Variants in PTPRH observed in about 807,000 individuals in gnomAD.
PTPRH encodes receptor-type tyrosine-protein phosphatase H.
PTPRH carries 113 observed loss-of-function variants against 130.2 expected under a neutral mutation model. That is an observed-to-expected ratio of 0.87 (90% CI 0.75 to 1.01). The LOEUF (loss-of-function observed/expected upper bound fraction) is 1.01, where lower values mean the gene tolerates loss of function less well. Among genes scored for constraint, PTPRH ranks in the 50% least tolerant of loss-of-function variants. The pLI, the probability that PTPRH is intolerant of heterozygous loss-of-function variation, is 0.00. For missense variants in PTPRH, 1,430 were observed against 1,425.0 expected (o/e 1.00, Z -0.06); for synonymous variants, 556 against 577.9 (o/e 0.96, Z 0.54).
chr19:55,187,604 C>A lies in PTPRH; in HGVS notation c.2476-1G>T. The A allele has an allele frequency of 6.2e-7, 1 of 1,610,456 alleles. No homozygotes were observed. The highest frequency in any genetic ancestry group is 1.1e-5 in the South Asian group (1 of 90,988). On this transcript the variant is annotated splice_acceptor_variant, in intron 13 of 19. Transcript: ENST00000376350. LOFTEE classifies it high-confidence loss of function. The stretch of plus-strand genomic sequence containing the variant: ...GGCTGTGGCCCACCAGGGAGAGTTG[C>A]TGGGGATGCAGGGAGAGGGGGTACC...
rs371618030 is a variant in PTPRH at position 55,204,212 on chromosome 19, C to G, written c.620-164G>C. Among the ~76,000 whole-genome samples the G allele has an allele frequency of 4.0e-4, 61 of 152,280 alleles. 1 individual carries two copies. The highest frequency in any genetic ancestry group is 1.4e-3 in the African/African-American group (59 of 41,564). On this transcript the variant is annotated intron_variant, in intron 4 of 19. Transcript: ENST00000376350. ...TCGGCTCACCACAGCCTCCGCCGTC[C>G]GGGTTCAAGCGATTCTCCTGCCTCA...
rs572152682 is a variant in PTPRH at position 55,209,187 on chromosome 19, G to T, written c.51+196C>A. Among the ~76,000 whole-genome samples, 1 of 152,098 alleles carries T rather than the reference G, an allele frequency of 6.6e-6. No individual in the cohort carries two copies. The highest frequency in any genetic ancestry group is 2.1e-4 in the South Asian group (1 of 4,830). Reference sequence around the variant, plus strand: ...GGCCCGGGTGAAGCTGGTGTCCCCCGCAGCAGACACGACAGTATCTAAGAG... The same window carrying T: ...GGCCCGGGTGAAGCTGGTGTCCCCCTCAGCAGACACGACAGTATCTAAGAG... On this transcript the variant is annotated intron_variant, in intron 1 of 19. Coordinates refer to ENST00000376350, the MANE Select transcript of PTPRH (RefSeq NM_002842.5). This position sits in a 1 kb window ranked among gnomAD's most constrained non-coding sequence, Gnocchi z 4.1.
chr19:55,192,644 C>A (rs550533781), intron 10 of PTPRH, among the ~76,000 whole-genome samples: 1 of 150,642 alleles, frequency 6.6e-6, no homozygotes, highest in Non-Finnish European at 1.5e-5. Flanking sequence ...CTCTGCCTCC[C>A]GGGTTCACGC....
chr19:55,192,584 C>T lies in PTPRH; in HGVS notation c.2258-843G>A, dbSNP rs957467714. Among the ~76,000 whole-genome samples the T allele has an allele frequency of 8.6e-5, 13 of 151,020 alleles. No individual in the cohort carries two copies. In the East Asian group the frequency reaches 2.6e-3, roughly 30 times the overall value. On this transcript the variant is annotated intron_variant, in intron 10 of 19. Transcript: ENST00000376350. ...TTTCTTTTTCTGAGACAGAGTCTTG[C>T]TCTGTCACCCAGGCTGCAGTGCAGT...
chr19:55,207,051 C>T lies in PTPRH; in HGVS notation c.86-96G>A, dbSNP rs955822360. The T allele has an allele frequency of 2.0e-5, 31 of 1,555,664 alleles. No homozygotes were observed. In the Middle Eastern group the frequency reaches 5.1e-4, roughly 26 times the overall value. On this transcript the variant is annotated intron_variant, in intron 2 of 19. Transcript: ENST00000376350. Reference sequence around the variant, plus strand: ...CACGCCCCAAGTCCAGAAACAACGGCGCTCATAAACCCCTACCATGGACCA... The same window carrying T: ...CACGCCCCAAGTCCAGAAACAACGGTGCTCATAAACCCCTACCATGGACCA...
Position 55,205,431 on chromosome 19 carries a change from T to C in PTPRH, c.514A>G (p.Asn172Asp). 6.2e-7 allele frequency: 1 copy of C among 1,614,142 alleles called. No homozygotes were observed. Among genetic ancestry groups the C allele is most frequent in the African/African-American group, 1.3e-5 (1 of 75,034 alleles). Residue 172 changes from asparagine to aspartate, a missense_variant, in exon 4 of 20, where the codon AAC (asparagine) becomes GAC (aspartate). Transcript: ENST00000376350. ...RAGTRSTAHT[N>D]ITVDGLEPGC... Reference sequence around the variant, plus strand: ...GGTTCAAGTCCATCCACGGTGATGTTAGTGTGTGCTGTGCTTCGAGTCCCT... The same window carrying C: ...GGTTCAAGTCCATCCACGGTGATGTCAGTGTGTGCTGTGCTTCGAGTCCCT...
chr19:55,202,559 G>A (rs908556540), intron 5 of PTPRH, among the ~76,000 whole-genome samples: 1 of 151,728 alleles, frequency 6.6e-6, no homozygotes, highest in African/African-American at 2.4e-5. Context: ...ATGAAATTAA[G>A]AATTAAGAAT....
rs746178985 is a variant in PTPRH, at chr19:55,203,975, G to C, written c.693C>G (p.Pro231=). ...TCGAGTTCTGTGGGTCTGTGCCATC[G>C]GGGACCTCCCAGCTCAGGGAGATGG... ...TSSISLSWEV[P]DGTDPQNSTY... is the part of the protein sequence containing the mutation. Residue 231 remains proline (P), a synonymous_variant, in exon 5 of 20, where the codon CCC becomes CCG. Coordinates refer to ENST00000376350, the MANE Select transcript of PTPRH (RefSeq NM_002842.5). 3 of 1,614,100 alleles carry C rather than the reference G, an allele frequency of 1.9e-6. No homozygotes were observed. Among genetic ancestry groups the C allele is most frequent in the South Asian group, 2.2e-5 (2 of 91,078 alleles).
chr19:55,187,750 T>C (rs1270352207), intron 13 of PTPRH, 147 bp from the exon 14 acceptor site: 8 of 650,420 alleles, frequency 1.2e-5, no homozygotes, highest in Admixed American at 2.4e-5. Context: ...AAAAACAGAA[T>C]AGATGTGTGT....
At chr19:55,186,639 C>A (rs1224292452) in intron 14 of PTPRH, 99 bp from the exon 15 acceptor site, 7 of 1,096,390 alleles carry the variant, frequency 6.4e-6, no homozygotes, top group Non-Finnish European at 9.2e-6. Flanking sequence ...GAGACAAGAC[C>A]AAGACCCATG....
At chr19:55,191,834 C>A (rs1429778196) in intron 10 of PTPRH, 93 bp from the exon 11 acceptor site, 9 of 1,147,576 alleles carry the variant, frequency 7.8e-6, no homozygotes, top group Non-Finnish European at 1.1e-5. Context: ...TCCCCAGGAG[C>A]CTGGTCCAAA....
chr19:55,205,707 G>C (rs1742356470), intron 3 of PTPRH, 115 bp from the exon 4 acceptor site: 1 of 1,451,980 alleles, frequency 6.9e-7, no homozygotes, highest in Non-Finnish European at 9.2e-7. Context: ...GCTCTGCACT[G>C]TCCAGTGTGG....
intron 8 of PTPRH, among the ~76,000 whole-genome samples, chr19:55,198,098 T>G (rs931912361): frequency 6.6e-6 from 1 of 152,088 alleles, no homozygotes; most frequent in Non-Finnish European, 1.5e-5. Context: ...ATGTTTGTGG[T>G]CCCAGCTACT....
rs1186677694 is a variant in PTPRH, at chr19:55,182,111, C to T, written c.3103G>A (p.Val1035Ile). ...GRTGTLIALDVLLRQLQSEGL... is the reference protein window; with the variant it reads ...GRTGTLIALDILLRQLQSEGL... ...TCGGACTGCAGCTGCCGGAGCAGGA[C>T]GTCCAGGGCAATGAGGGTTCCTGTG... The change falls in exon 19 of 20, where the codon GTC becomes ATC. Residue 1035 changes from valine to isoleucine, a missense_variant. Physicochemically the swap from Val to Ile is conservative, Grantham distance 29. Coordinates refer to ENST00000376350, the MANE Select transcript of PTPRH (RefSeq NM_002842.5). 2.5e-6 allele frequency: 4 copies of T among 1,614,070 alleles called. No individual in the cohort carries two copies. The highest frequency in any genetic ancestry group is 2.7e-5 in the African/African-American group (2 of 75,030).
intron 10 of PTPRH, chr19:55,192,187 G>C (rs1370990840): frequency 2.8e-6 from 1 of 351,278 alleles, no homozygotes; most frequent in Non-Finnish European, 5.6e-6. Flanking sequence ...CACATCACGA[G>C]GTCAGGAGAT....
chr19:55,190,495 A>G (rs112881339), intron 12 of PTPRH, among the ~76,000 whole-genome samples: 4 of 140,552 alleles, frequency 2.8e-5, no homozygotes, highest in Non-Finnish European at 4.5e-5. Flanking sequence ...TATATAATTT[A>G]TATATTATAT....
At chr19:55,193,350 G>T (rs569039194) in intron 10 of PTPRH, among the ~76,000 whole-genome samples, 1 of 147,402 alleles carries the variant, frequency 6.8e-6, no homozygotes, top group East Asian at 1.9e-4. Flanking sequence ...AGGATCACTT[G>T]AGCCTGGGAG....
chr19:55,194,232 T>A (rs2086622882), intron 10 of PTPRH: 1 of 1,289,758 alleles, frequency 7.8e-7, no homozygotes, highest in Non-Finnish European at 1.0e-6. Context: ...CGTCTTAGGG[T>A]AGGCTCAAGC....
chr19:55,188,481 C>T (rs2086432724), intron 12 of PTPRH, among the ~76,000 whole-genome samples: 1 of 152,112 alleles, frequency 6.6e-6, no homozygotes, highest in South Asian at 2.1e-4. Context: ...CCACTGCACT[C>T]CAGCCTGGGT....
Sources: allele counts gnomAD v4.1 joint callset (sites outside exome capture counted in the v4.1 genomes callset), GRCh38; gene constraint gnomAD v4.1.1; non-coding constraint Gnocchi (gnomAD v3.1); transcripts MANE v1.5; gene names NCBI Gene and HGNC (gene_info 2026-07-23, HGNC 2026-07-21).